Variants in SLCO3A1 observed in about 807,000 individuals in gnomAD.
SLCO3A1 encodes the protein PGE1 transporter.
Under a neutral mutation model 63.1 loss-of-function variants are expected in SLCO3A1, and 27 were observed. The ratio of observed to expected loss-of-function variants is 0.43; its 90% CI spans 0.32 to 0.59. SLCO3A1 has a LOEUF of 0.59. Among genes scored for constraint, SLCO3A1 ranks in the 20% least tolerant of loss-of-function variants. SLCO3A1 has a pLI of 0.09. For missense variants in SLCO3A1, 773 were observed against 945.8 expected (o/e 0.82, Z 2.40); for synonymous variants, 473 against 409.9 (o/e 1.15, Z -1.86).
chr15:91,855,217 A>G (rs1896884261), intron 1 of SLCO3A1, among the ~76,000 whole-genome samples: 1 of 152,128 alleles, frequency 6.6e-6, no homozygotes, highest in African/African-American at 2.4e-5. Context: ...TTAATCCCTC[A>G]TTCCTGGCCT....
intron 1 of SLCO3A1, among the ~76,000 whole-genome samples, chr15:91,873,645 A>G (rs1567165827): frequency 6.6e-6 from 1 of 152,076 alleles, no homozygotes; most frequent in Non-Finnish European, 1.5e-5. Context: ...TAAATACTTC[A>G]GTATACCTCT....
chr15:92,095,897 G>T (rs2047532838), intron 3 of SLCO3A1, among the ~76,000 whole-genome samples: 1 of 152,180 alleles, frequency 6.6e-6, no homozygotes, highest in Non-Finnish European at 1.5e-5. Context: ...CCTCTACTCA[G>T]AAATGACATA....
chr15:92,083,178 T>C (rs1299866365), intron 2 of SLCO3A1, among the ~76,000 whole-genome samples: 2 of 152,186 alleles, frequency 1.3e-5, no homozygotes, highest in Non-Finnish European at 2.9e-5. Context: ...CGAGATATTA[T>C]AGGAGAGACC....
chr15:91,972,303 G>A (rs1900907171), intron 2 of SLCO3A1, among the ~76,000 whole-genome samples: 1 of 152,260 alleles, frequency 6.6e-6, no homozygotes, highest in African/African-American at 2.4e-5. Flanking sequence ...TGGTCTGAAT[G>A]TTTGTGTGAA....
At position 91,913,005 on chromosome 15, in the gene SLCO3A1, C is replaced by T. The variant is rs764223670; in HGVS notation, c.181-2988C>T. 3.3e-5 allele frequency among the ~76,000 whole-genome samples: 5 copies of T among 152,144 alleles called. No individual in the cohort carries two copies. The South Asian group carries it at 6.2e-4, about 19-fold the overall frequency. On this transcript the variant is annotated intron_variant, in intron 1 of 9. Transcript: ENST00000318445. ...CATGTATGTATGTTTGTTTGTGTTG[C>T]GAAGGAAAGTAGTAAATAAATGAAT...
Position 91,901,307 on chromosome 15 carries a change from C to A in SLCO3A1, c.181-14686C>A, listed in dbSNP as rs182702340. ...TGTAGTTTTGTTGTCAAACGTATTA[C>A]ATCTATATCTTATAAATGAAGTGTT... On this transcript the variant is annotated intron_variant, in intron 1 of 9. Transcript: ENST00000318445. Among the ~76,000 whole-genome samples, 209 of 152,276 alleles carry A rather than the reference C, an allele frequency of 1.4e-3. 1 individual carries two copies. The highest frequency in any genetic ancestry group is 4.8e-3 in the African/African-American group (198 of 41,558).
At chr15:92,099,052 C>T (rs568371378) in intron 3 of SLCO3A1, among the ~76,000 whole-genome samples, 11 of 152,230 alleles carry the variant, frequency 7.2e-5, no homozygotes, top group Non-Finnish European at 1.5e-4. Flanking sequence ...AAGGCGGCTC[C>T]CTTCCATGGA....
chr15:91,986,819 A>C lies in SLCO3A1; in HGVS notation c.646+70361A>C, dbSNP rs533429675. ...TTTGTTATGAAGATATATTTGTAAAAATAGGAAGATAGAACATATTTTAAG... is the reference window on the plus strand; with the variant it reads ...TTTGTTATGAAGATATATTTGTAAACATAGGAAGATAGAACATATTTTAAG... On this transcript the variant is annotated intron_variant, in intron 2 of 9. Coordinates refer to ENST00000318445, the MANE Select transcript of SLCO3A1 (RefSeq NM_013272.4). 1.1e-4 allele frequency among the ~76,000 whole-genome samples: 17 copies of C among 152,350 alleles called. No homozygotes were observed. The South Asian group carries it at 2.3e-3, about 20-fold the overall frequency.
chr15:92,054,127 A>G (rs1167447374), intron 2 of SLCO3A1, among the ~76,000 whole-genome samples: 2 of 152,186 alleles, frequency 1.3e-5, no homozygotes, highest in Non-Finnish European at 2.9e-5. Flanking sequence ...AAGGCATTCC[A>G]GCTTTGGCCA....
In SLCO3A1 at chr15:91,897,488, G is replaced by T. The variant is rs1225288389; in HGVS notation, c.181-18505G>T. On this transcript the variant is annotated intron_variant, in intron 1 of 9. Coordinates refer to ENST00000318445, the MANE Select transcript of SLCO3A1 (RefSeq NM_013272.4). This position sits in a 1 kb window ranked among gnomAD's most constrained non-coding sequence, Gnocchi z 4.7. ...CAAACAAACCCCCAAAACTTATAAAGCTGGATGTTCCAACTAATGTCCTAT... is the reference window on the plus strand; with the variant it reads ...CAAACAAACCCCCAAAACTTATAAATCTGGATGTTCCAACTAATGTCCTAT... Among the ~76,000 whole-genome samples, 1 of 152,166 alleles carries T rather than the reference G, an allele frequency of 6.6e-6. No individual in the cohort carries two copies. Among genetic ancestry groups the T allele is most frequent in the Non-Finnish European group, 1.5e-5 (1 of 68,024 alleles).
At chr15:91,999,553 C>G (rs1263955445) in intron 2 of SLCO3A1, among the ~76,000 whole-genome samples, 3 of 152,214 alleles carry the variant, frequency 2.0e-5, no homozygotes, top group Non-Finnish European at 4.4e-5. Flanking sequence ...GAGATACTGT[C>G]CTACACCTTT....
At chr15:92,148,754 A>G (rs986430962) in intron 8 of SLCO3A1, 14 of 152,226 alleles carry the variant, frequency 9.2e-5, no homozygotes, top group Admixed American at 2.6e-4. Context: ...AAAGAGCTCA[A>G]TGCAGACAAA....
rs71912147 is a variant in SLCO3A1, at chr15:91,873,531, TACACAC to T, written c.180+19473_180+19478del. 3.1e-3 allele frequency among the ~76,000 whole-genome samples: 455 copies of T among 146,746 alleles called. 1 individual carries two copies. Among genetic ancestry groups the T allele is most frequent in the South Asian group, 7.0e-3 (32 of 4,544 alleles). ...TGCTTCATATATACAGCTACATTCA[TACACAC>T]ACACACACACACACACACACACACA... On this transcript the variant is annotated intron_variant, in intron 1 of 9. Coordinates refer to ENST00000318445, the MANE Select transcript of SLCO3A1 (RefSeq NM_013272.4).
At chr15:91,956,958 A>ATT in intron 2 of SLCO3A1, among the ~76,000 whole-genome samples, 2 of 56,270 alleles carry the variant, frequency 3.6e-5, no homozygotes, top group African/African-American at 1.2e-4. Context: ...TGGCTAATTT[A>ATT]TTTATATATA....
chr15:91,866,580 A>T (rs1490137042), intron 1 of SLCO3A1, among the ~76,000 whole-genome samples: 1 of 151,028 alleles, frequency 6.6e-6, no homozygotes, highest in East Asian at 1.9e-4. Flanking sequence ...TTTTTTAAAA[A>T]AAAAAAAAAA....
chr15:92,017,312 G>A (rs2046450216), intron 2 of SLCO3A1, among the ~76,000 whole-genome samples: 1 of 151,856 alleles, frequency 6.6e-6, no homozygotes, highest in African/African-American at 2.4e-5. Flanking sequence ...AGAGCAGGTG[G>A]CATTGAAAAC....
chr15:91,861,633 TTTG>T (rs895941933), intron 1 of SLCO3A1, among the ~76,000 whole-genome samples: 5 of 152,020 alleles, frequency 3.3e-5, no homozygotes, highest in African/African-American at 1.2e-4. Context: ...AAGCCCCACT[TTTG>T]TTGTTGTTGT....
chr15:91,929,444 G>T (rs1336101090), intron 2 of SLCO3A1, among the ~76,000 whole-genome samples: 2 of 152,204 alleles, frequency 1.3e-5, no homozygotes, highest in Non-Finnish European at 2.9e-5. Flanking sequence ...GGGACCACGT[G>T]TTCCATGTTG....
intron 2 of SLCO3A1, among the ~76,000 whole-genome samples, chr15:91,956,270 C>T (rs1213252493): frequency 6.6e-6 from 1 of 152,142 alleles, no homozygotes; most frequent in East Asian, 1.9e-4. Flanking sequence ...AACCAGTGAT[C>T]ATGTTTGTGA....
Sources: gnomAD v4.1 joint callset for allele counts (sites outside exome capture counted in the v4.1 genomes callset) on GRCh38, gnomAD v4.1.1 for gene constraint, Gnocchi (gnomAD v3.1) non-coding constraint, MANE v1.5 for transcripts, NCBI Gene and HGNC (gene_info 2026-07-23, HGNC 2026-07-21) for gene names.